PPP2R5C: variants seen among roughly 807,000 people sequenced by gnomAD.
The protein encoded by PPP2R5C is serine/threonine-protein phosphatase 2A 56 kDa regulatory subunit gamma isoform.
A neutral mutation model predicts 68.9 loss-of-function variants in PPP2R5C; 7 were observed. The observed-to-expected ratio is 0.10, with a 90% confidence interval of 0.06 to 0.19. PPP2R5C has a LOEUF of 0.19. Ranked by LOEUF, PPP2R5C falls within the 10% of genes least tolerant of loss-of-function variation. PPP2R5C has a pLI of 1.00. For synonymous variants in PPP2R5C, 210 were observed against 222.2 expected (o/e 0.95, Z 0.49); for missense variants, 348 against 641.3 (o/e 0.54, Z 4.94).
At chr14:101,914,343 G>T in intron 12 of PPP2R5C, 2 of 323,622 alleles carry the variant, frequency 6.2e-6, no homozygotes, top group Non-Finnish European at 1.2e-5. Context: ...ATACTTCATG[G>T]GTCAATACCT....
intron 2 of PPP2R5C, among the ~76,000 whole-genome samples, chr14:101,770,063 A>G (rs2037068327): frequency 6.6e-6 from 1 of 152,210 alleles, no homozygotes; most frequent in South Asian, 2.1e-4. Flanking sequence ...ATATCTAAAC[A>G]TAGAAAAGAT....
intron 1 of PPP2R5C, chr14:101,810,274 T>C: frequency 2.2e-6 from 1 of 457,916 alleles, no homozygotes; most frequent in Non-Finnish European, 3.9e-6. Flanking sequence ...TTTTTCTGCT[T>C]TCTGCTCGCT....
At chr14:101,903,288 T>C (rs2720196) in intron 9 of PPP2R5C, among the ~76,000 whole-genome samples, 31,229 of 152,096 alleles carry the variant, frequency 0.21, 4,571 homozygotes, top group African/African-American at 0.42. Flanking sequence ...CAGGGACAAG[T>C]GGACTCACAA....
chr14:101,927,847 CT>C (rs1566981115), exon 14 of PPP2R5C: 1 of 152,200 alleles, frequency 6.6e-6, no homozygotes, highest in Non-Finnish European at 1.5e-5. Flanking sequence ...TAATTCAAAA[CT>C]TTTTGTTTTG....
Position 101,891,721 on chromosome 14 carries a change from G to T in PPP2R5C, c.690-1279G>T, listed in dbSNP as rs1164380892. Among the ~76,000 whole-genome samples the T allele has an allele frequency of 6.6e-6, 1 of 152,150 alleles. No individual in the cohort carries two copies. Among genetic ancestry groups the T allele is most frequent in the East Asian group, 1.9e-4 (1 of 5,198 alleles). ...GTGAGTGAGCACACCCTCCTTGATG[G>T]GCCGCTCCAGGCTCGCCCTTCCCGC... On this transcript the variant is annotated intron_variant, in intron 6 of 13. Transcript: ENST00000334743. The surrounding 1 kb of genome is among the most constrained non-coding windows in gnomAD (Gnocchi z 4.9).
chr14:101,883,213 A>G, intron 3 of PPP2R5C, 44 bp from the exon 6 acceptor site: 1 of 1,360,396 alleles, frequency 7.4e-7, no homozygotes, highest in Non-Finnish European at 1.0e-6. Context: ...CCGCCATTCA[A>G]TAAAATCTCA....
chr14:101,761,861 GGGCGGC>G (rs373744052), upstream of PPP2R5C: 21 of 1,100,322 alleles, frequency 1.9e-5, no homozygotes, highest in East Asian at 1.0e-4. Flanking sequence ...GCGGCGGCAG[GGGCGGC>G]GGCGGCGGCG....
chr14:101,840,864 T>C (rs190824580), intron 1 of PPP2R5C, among the ~76,000 whole-genome samples: 109 of 152,336 alleles, frequency 7.2e-4, no homozygotes, highest in East Asian at 7.7e-4. Context: ...CTGAGTGCAG[T>C]GCATTAGAGG....
chr14:101,867,293 G>C (rs1280212672), intron 2 of PPP2R5C, among the ~76,000 whole-genome samples: 1 of 151,910 alleles, frequency 6.6e-6, no homozygotes, highest in Non-Finnish European at 1.5e-5. Context: ...TATATGCCTA[G>C]CTACTCGGTC....
rs1054837035 is a variant in PPP2R5C at position 101,797,230 on chromosome 14, C to A, written c.259+11047C>A. On this transcript the variant is annotated intron_variant, in intron 3 of 14. Transcript: ENST00000328724. This position sits in a 1 kb window ranked among gnomAD's most constrained non-coding sequence, Gnocchi z 4.2. ...TTCCAGGTCCCCCCACATTGTAGCACGTGCCAGACCCTCGCTCCCGTCGAA... is the reference window on the plus strand; with the variant it reads ...TTCCAGGTCCCCCCACATTGTAGCAAGTGCCAGACCCTCGCTCCCGTCGAA... 1.8e-5 allele frequency: 8 copies of A among 455,966 alleles called. No individual in the cohort carries two copies. Among genetic ancestry groups the A allele is most frequent in the African/African-American group, 8.0e-5 (4 of 50,078 alleles). 28.2% of individuals were successfully genotyped at this position (455,966 alleles called of 1,614,324 possible).
At chr14:101,813,578 C>T (rs75392878) in intron 1 of PPP2R5C, among the ~76,000 whole-genome samples, 2,107 of 152,354 alleles carry the variant, frequency 0.014, 43 homozygotes, top group African/African-American at 0.048. Flanking sequence ...TCCCACCCTG[C>T]AGCGCATGCT....
chr14:101,762,687 C>T (rs2036617521), intron 1 of PPP2R5C, among the ~76,000 whole-genome samples: 1 of 151,872 alleles, frequency 6.6e-6, no homozygotes, highest in African/African-American at 2.4e-5. Context: ...AGTTTTCAAC[C>T]TCAAATGCAG....
At position 101,913,025 on chromosome 14, in the gene PPP2R5C, G is replaced by A. The variant is rs1354630114; in HGVS notation, c.1326+552G>A. ...CAGTGTGCTCTGGTGAGTCTGCGCCGATGGCCGGACGTCCCGGAGCTGCCG... is the reference window on the plus strand; with the variant it reads ...CAGTGTGCTCTGGTGAGTCTGCGCCAATGGCCGGACGTCCCGGAGCTGCCG... On this transcript the variant is annotated intron_variant, in intron 12 of 13. Transcript: ENST00000334743. The surrounding 1 kb of genome is among the most constrained non-coding windows in gnomAD (Gnocchi z 4.1). Among the ~76,000 whole-genome samples, 1 of 152,200 alleles carries A rather than the reference G, an allele frequency of 6.6e-6. No homozygotes were observed. The highest frequency in any genetic ancestry group is 2.4e-5 in the African/African-American group (1 of 41,446).
rs755408014 is a variant in PPP2R5C at position 101,860,012 on chromosome 14, T to G, written c.294+3127T>G. Among the ~76,000 whole-genome samples, 5 of 152,036 alleles carry G rather than the reference T, an allele frequency of 3.3e-5. No homozygotes were observed. The East Asian group carries it at 7.7e-4, about 23-fold the overall frequency. ...CTTATTAGACTGGACTGCTAGATGGTTTTTTTTAAACAGATCTACTGAGGT... is the reference window on the plus strand; with the variant it reads ...CTTATTAGACTGGACTGCTAGATGGGTTTTTTTAAACAGATCTACTGAGGT... On this transcript the variant is annotated intron_variant, in intron 2 of 13. Transcript: ENST00000334743.
chr14:101,857,118 T>C (rs1404938885), intron 2 of PPP2R5C, among the ~76,000 whole-genome samples: 1 of 152,262 alleles, frequency 6.6e-6, no homozygotes, highest in Non-Finnish European at 1.5e-5. Context: ...ATTTATTAAC[T>C]CATTTAATCC....
At chr14:101,850,972 A>G (rs1205048907) in intron 1 of PPP2R5C, among the ~76,000 whole-genome samples, 1 of 152,184 alleles carries the variant, frequency 6.6e-6, no homozygotes, top group Non-Finnish European at 1.5e-5. Flanking sequence ...CTCGTTTTGT[A>G]CTAAGAATAA....
chr14:101,907,426 C>T (rs1377049020), intron 10 of PPP2R5C, among the ~76,000 whole-genome samples: 1 of 152,156 alleles, frequency 6.6e-6, no homozygotes, highest in Non-Finnish European at 1.5e-5. Context: ...CTGCCTCAGC[C>T]TCCCAAAGTG....
At chr14:101,847,600 A>G (rs958160998) in intron 1 of PPP2R5C, among the ~76,000 whole-genome samples, 3 of 150,374 alleles carry the variant, frequency 2.0e-5, no homozygotes, top group Non-Finnish European at 4.4e-5. Flanking sequence ...GCGTGTATGT[A>G]TGGGATGCGT....
chr14:101,884,583 C>T (rs1262637128), intron 5 of PPP2R5C, among the ~76,000 whole-genome samples: 3 of 152,222 alleles, frequency 2.0e-5, no homozygotes, highest in African/African-American at 7.2e-5. Context: ...GGAGGGAAAG[C>T]CCCGCTGGAG....
Sources: allele counts gnomAD v4.1 joint callset (sites outside exome capture counted in the v4.1 genomes callset), GRCh38; gene constraint gnomAD v4.1.1; non-coding constraint Gnocchi (gnomAD v3.1); transcripts MANE v1.5; gene names NCBI Gene and HGNC (gene_info 2026-07-23, HGNC 2026-07-21).